ELOVL7: variants seen among roughly 807,000 people sequenced by gnomAD.
The protein encoded by ELOVL7 is ELOVL fatty acid elongase 7.
A neutral mutation model predicts 35.7 loss-of-function variants in ELOVL7; 27 were observed. That is an observed-to-expected ratio of 0.76 (90% CI 0.56 to 1.04). The LOEUF is 1.04. ELOVL7 is among the 50% of genes least tolerant of loss of function. The pLI is 0.00. For missense variants in ELOVL7, 327 were observed against 340.8 expected (o/e 0.96, Z 0.32); for synonymous variants, 113 against 114.6 (o/e 0.99, Z 0.09).
intron 1 of ELOVL7, among the ~76,000 whole-genome samples, chr5:60,807,726 G>A (rs149535723): frequency 0.01 from 1,526 of 152,108 alleles, 86 homozygotes; most frequent in Admixed American, 0.085. Context: ...GGGGCCGGGC[G>A]CGGTGGTTCA....
intron 1 of ELOVL7, among the ~76,000 whole-genome samples, chr5:60,840,135 G>A (rs4700397): frequency 0.38 from 58,144 of 152,076 alleles, 12,190 homozygotes; most frequent in East Asian, 0.8. Flanking sequence ...GCAGATAGGC[G>A]CTTTCTTTTA....
chr5:60,784,400 A>T (rs531032084), intron 3 of ELOVL7, among the ~76,000 whole-genome samples: 1 of 152,196 alleles, frequency 6.6e-6, no homozygotes, highest in East Asian at 1.9e-4. Flanking sequence ...TCATTTCTCC[A>T]TTATCCAAAA....
At chr5:60,807,086 G>A (rs1187594950) in intron 1 of ELOVL7, among the ~76,000 whole-genome samples, 3 of 152,132 alleles carry the variant, frequency 2.0e-5, no homozygotes, top group Non-Finnish European at 4.4e-5. Flanking sequence ...GCTGCACTGG[G>A]GATGCAAAAG....
chr5:60,822,634 T>C (rs779261030), intron 1 of ELOVL7, among the ~76,000 whole-genome samples: 2 of 152,120 alleles, frequency 1.3e-5, no homozygotes, highest in Non-Finnish European at 2.9e-5. Flanking sequence ...TTTTGGAACT[T>C]CACATCTAGT....
chr5:60,830,768 C>A (rs1746438786), intron 1 of ELOVL7, among the ~76,000 whole-genome samples: 1 of 152,084 alleles, frequency 6.6e-6, no homozygotes, highest in African/African-American at 2.4e-5. Context: ...CACTACCATT[C>A]AATTCTAGAA....
chr5:60,771,178 GA>G (rs1742565371), intron 4 of ELOVL7, among the ~76,000 whole-genome samples: 1 of 152,124 alleles, frequency 6.6e-6, no homozygotes, highest in Non-Finnish European at 1.5e-5. Flanking sequence ...AAAGGATAAT[GA>G]AGCCAGCCAG....
At chr5:60,837,315 T>G (rs976809749) in intron 1 of ELOVL7, among the ~76,000 whole-genome samples, 196 of 24,408 alleles carry the variant, frequency 8.0e-3, no homozygotes, top group East Asian at 0.016. Flanking sequence ...GGCGGGGGGG[T>G]GGGGGGGGAG....
At chr5:60,799,854 A>G (rs1744487023) in intron 1 of ELOVL7, among the ~76,000 whole-genome samples, 1 of 151,966 alleles carries the variant, frequency 6.6e-6, no homozygotes, top group Non-Finnish European at 1.5e-5. Context: ...CCTGACCAAC[A>G]TGGAGAAACC....
At chr5:60,766,738 T>C in intron 5 of ELOVL7, 108 bp from the exon 6 acceptor site, 1 of 873,996 alleles carries the variant, frequency 1.1e-6, no homozygotes, top group Non-Finnish European at 1.8e-6. Context: ...TGTCAACCAT[T>C]TCTTAGTGCA....
intron 1 of ELOVL7, among the ~76,000 whole-genome samples, chr5:60,813,316 G>A (rs564330100): frequency 1.3e-5 from 2 of 152,202 alleles, no homozygotes; most frequent in African/African-American, 4.8e-5. Context: ...CCAGAACTTC[G>A]GTTGACACGT....
At chr5:60,805,508 C>A (rs1744874863) in intron 1 of ELOVL7, among the ~76,000 whole-genome samples, 1 of 152,114 alleles carries the variant, frequency 6.6e-6, no homozygotes, top group Non-Finnish European at 1.5e-5. Flanking sequence ...GGTTTCTCAA[C>A]TGAGAAATGT....
intron 1 of ELOVL7, among the ~76,000 whole-genome samples, chr5:60,810,723 T>C (rs1208412867): frequency 2.6e-5 from 4 of 152,220 alleles, no homozygotes; most frequent in African/African-American, 9.6e-5. Context: ...CATACCTCTA[T>C]ATTTGGGAGT....
chr5:60,815,276 TA>T (rs1306546503), intron 1 of ELOVL7, among the ~76,000 whole-genome samples: 1 of 152,188 alleles, frequency 6.6e-6, no homozygotes, highest in Non-Finnish European at 1.5e-5. Flanking sequence ...TATGGGAACA[TA>T]AAACTATGGA....
intron 7 of ELOVL7, among the ~76,000 whole-genome samples, chr5:60,761,216 G>C (rs1282913817): frequency 6.6e-6 from 1 of 152,030 alleles, no homozygotes; most frequent in African/African-American, 2.4e-5. Flanking sequence ...AAAAAACAAA[G>C]GAATCACCTG....
At chr5:60,798,496 A>C (rs1296302162) in intron 2 of ELOVL7, among the ~76,000 whole-genome samples, 2 of 152,230 alleles carry the variant, frequency 1.3e-5, no homozygotes, top group East Asian at 3.8e-4. Context: ...AAAGTGGACT[A>C]AAATAGTTTT....
rs1365878846 is a variant in ELOVL7, at chr5:60,754,828, C to T, written c.642G>A (p.Gln214=). The change falls in exon 9 of 9, where the codon CAG becomes CAA. Residue 214 remains glutamine, a synonymous_variant. Transcript: ENST00000508821. The part of the protein sequence containing the change: ...KKYLTSLQLV[Q]FVIVAIHISQ... ...TTATGTGGATGGCGACAATAACAAA[C>T]TGGACCTAAGAAATGAAAACGTGAA... The T allele has an allele frequency of 1.2e-6, 2 of 1,613,458 alleles. No individual in the cohort carries two copies. The highest frequency in any genetic ancestry group is 1.3e-5 in the African/African-American group (1 of 74,930).
Position 60,811,168 on chromosome 5 carries a change from CT to C in ELOVL7, c.-85-11939del, listed in dbSNP as rs913035759. ...TGTGTTTTCATTAAGGTCAGTTGTA[CT>C]TTTTTTAAAAAAAACTTTGCAAATT... On this transcript the variant is annotated intron_variant, in intron 1 of 8. Transcript: ENST00000508821. Among the ~76,000 whole-genome samples the C allele has an allele frequency of 4.0e-5, 6 of 151,738 alleles. No individual in the cohort carries two copies. The East Asian group carries it at 5.8e-4, about 15-fold the overall frequency.
chr5:60,754,897 CTA>C, intron 8 of ELOVL7, 64 bp from the exon 9 acceptor site: 1 of 1,401,280 alleles, frequency 7.1e-7, no homozygotes, highest in Non-Finnish European at 9.9e-7. Context: ...CTTTACCTAC[CTA>C]TGTTTATGCA....
chr5:60,812,609 A>G (rs553294282), intron 1 of ELOVL7, among the ~76,000 whole-genome samples: 1 of 152,368 alleles, frequency 6.6e-6, no homozygotes, highest in African/African-American at 2.4e-5. Context: ...CTCTAAAGGT[A>G]TTCCTCATGG....
Sources: gnomAD v4.1 joint callset for allele counts (sites outside exome capture counted in the v4.1 genomes callset) on GRCh38, gnomAD v4.1.1 for gene constraint, MANE v1.5 for transcripts, NCBI Gene and HGNC (gene_info 2026-07-23, HGNC 2026-07-21) for gene names.